Variants in STXBP5L observed in about 807,000 individuals in gnomAD.
STXBP5L encodes syntaxin-binding protein 5-like.
A neutral mutation model predicts 144.5 loss-of-function variants in STXBP5L; 65 were observed. The ratio of observed to expected loss-of-function variants is 0.45; its 90% confidence interval spans 0.37 to 0.55. The LOEUF (loss-of-function observed/expected upper bound fraction) is 0.55, where lower values mean the gene tolerates loss of function less well. Ranked by LOEUF, STXBP5L falls within the 20% of genes least tolerant of loss-of-function variation. STXBP5L has a pLI of 0.00. For synonymous variants in STXBP5L, 505 were observed against 469.6 expected (o/e 1.08, Z -0.97); for missense variants, 1,298 against 1,405.5 (o/e 0.92, Z 1.22).
chr3:121,047,360 A>G (rs1947589752), intron 5 of STXBP5L, among the ~76,000 whole-genome samples: 2 of 152,080 alleles, frequency 1.3e-5, no homozygotes, highest in Non-Finnish European at 2.9e-5. Flanking sequence ...GTAGATGTCT[A>G]ATAGTTCCAT....
intron 20 of STXBP5L, among the ~76,000 whole-genome samples, chr3:121,332,532 C>CA (rs1369535841): frequency 2.0e-5 from 3 of 150,682 alleles, no homozygotes; most frequent in African/African-American, 7.3e-5. Context: ...AGCTTCAAGA[C>CA]AAAATTTTGA....
chr3:121,328,760 T>C (rs952461936), intron 20 of STXBP5L, among the ~76,000 whole-genome samples: 2 of 150,638 alleles, frequency 1.3e-5, no homozygotes, highest in Non-Finnish European at 3.0e-5. Flanking sequence ...AAAAAAAAAA[T>C]AAAAAATAAA....
chr3:121,156,385 C>T (rs2046111207), intron 8 of STXBP5L, among the ~76,000 whole-genome samples: 1 of 151,912 alleles, frequency 6.6e-6, no homozygotes, highest in African/African-American at 2.4e-5. Flanking sequence ...TCTTCTCTCT[C>T]TTGCTGTTTT....
intron 2 of STXBP5L, among the ~76,000 whole-genome samples, chr3:120,912,452 A>G (rs1374579095): frequency 6.6e-6 from 1 of 151,946 alleles, no homozygotes; most frequent in Non-Finnish European, 1.5e-5. Context: ...TGATAAAAAA[A>G]CTTTTTATAT....
intron 9 of STXBP5L, among the ~76,000 whole-genome samples, chr3:121,202,253 T>G (rs568747319): frequency 1.3e-5 from 2 of 152,194 alleles, no homozygotes; most frequent in African/African-American, 4.8e-5. Flanking sequence ...TTATCATTTT[T>G]GGTTTTCTTC....
intron 20 of STXBP5L, among the ~76,000 whole-genome samples, chr3:121,346,686 A>C (rs2045002047): frequency 6.6e-6 from 1 of 152,132 alleles, no homozygotes; most frequent in Non-Finnish European, 1.5e-5. Flanking sequence ...TTTGATTTGC[A>C]TTGCTCTGAT....
intron 2 of STXBP5L, among the ~76,000 whole-genome samples, chr3:120,918,520 A>G: frequency 6.6e-6 from 1 of 152,212 alleles, no homozygotes; most frequent in Non-Finnish European, 1.5e-5. Flanking sequence ...ACATTTCATT[A>G]TTTTAATGCA....
rs75784259 is a variant in STXBP5L, at chr3:121,210,912, G to A, written c.956+4911G>A. 6.9e-4 allele frequency among the ~76,000 whole-genome samples: 105 copies of A among 152,184 alleles called. No individual in the cohort carries two copies. The East Asian group carries it at 0.017, about 24-fold the overall frequency. On this transcript the variant is annotated intron_variant, in intron 10 of 26. Coordinates refer to ENST00000471454, the MANE Select transcript of STXBP5L (RefSeq NM_001308330.2). The stretch of plus-strand genomic sequence containing the variant: ...TGGCTTAGGATTGTCTTGGCAATAC[G>A]GGACCTTTTTTGGTTCCATATGAAC...
intron 25 of STXBP5L, among the ~76,000 whole-genome samples, chr3:121,416,865 G>T (rs2047251848): frequency 1.3e-5 from 2 of 152,088 alleles, no homozygotes; most frequent in Admixed American, 6.6e-5. Flanking sequence ...GAGAAGGTAT[G>T]AATATATTTT....
At chr3:121,216,382 T>A (rs1318066262) in intron 10 of STXBP5L, among the ~76,000 whole-genome samples, 1 of 152,200 alleles carries the variant, frequency 6.6e-6, no homozygotes, top group Non-Finnish European at 1.5e-5. Context: ...ATGTCCTTTT[T>A]GTTGATGTTG....
intron 22 of STXBP5L, among the ~76,000 whole-genome samples, chr3:121,390,824 CT>C (rs1408802070): frequency 2.6e-5 from 4 of 151,884 alleles, no homozygotes. Context: ...ACATTTTTTC[CT>C]TCATTTCAAC....
chr3:121,142,106 A>T (rs193283918), intron 7 of STXBP5L, among the ~76,000 whole-genome samples: 2 of 152,228 alleles, frequency 1.3e-5, no homozygotes, highest in East Asian at 1.9e-4. Flanking sequence ...AACAAAAGTG[A>T]GGAGGGATGG....
intron 20 of STXBP5L, among the ~76,000 whole-genome samples, chr3:121,347,493 G>A (rs2045047794): frequency 6.6e-6 from 1 of 152,120 alleles, no homozygotes; most frequent in African/African-American, 2.4e-5. Flanking sequence ...ATTCTGTGAA[G>A]AAAGTCATTT....
intron 7 of STXBP5L, among the ~76,000 whole-genome samples, chr3:121,127,889 C>T (rs182210537): frequency 9.0e-4 from 136 of 151,814 alleles, no homozygotes; most frequent in Middle Eastern, 3.4e-3. Flanking sequence ...TCTGGGTGAC[C>T]GTGTAATGAC....
At chr3:120,982,900 G>C (rs1008340174) in intron 3 of STXBP5L, among the ~76,000 whole-genome samples, 5 of 152,172 alleles carry the variant, frequency 3.3e-5, no homozygotes, top group Non-Finnish European at 5.9e-5. Flanking sequence ...TTTGTCCTCA[G>C]GTCCCTAGGG....
At chr3:120,977,182 GTC>G (rs1038416439) in intron 3 of STXBP5L, among the ~76,000 whole-genome samples, 19 of 152,308 alleles carry the variant, frequency 1.2e-4, no homozygotes, top group African/African-American at 4.3e-4. Context: ...GGGAGTCTAA[GTC>G]TCTTTGTAGG....
intron 5 of STXBP5L, among the ~76,000 whole-genome samples, chr3:121,075,083 G>T (rs1371166903): frequency 2.0e-5 from 3 of 152,044 alleles, no homozygotes; most frequent in Non-Finnish European, 4.4e-5. Flanking sequence ...AACCCAGTCT[G>T]TCTCAGTCCT....
At chr3:121,264,959 T>A (rs999371039) in intron 18 of STXBP5L, among the ~76,000 whole-genome samples, 1 of 151,902 alleles carries the variant, frequency 6.6e-6, no homozygotes. Flanking sequence ...AATACAGAAG[T>A]ACCCAGATTC....
chr3:121,005,089 T>C (rs1432022272), intron 3 of STXBP5L, among the ~76,000 whole-genome samples: 1 of 152,238 alleles, frequency 6.6e-6, no homozygotes, highest in Non-Finnish European at 1.5e-5. Context: ...GAGGATTCCC[T>C]CTATTTCTAT....
Sources: allele counts gnomAD v4.1 joint callset (sites outside exome capture counted in the v4.1 genomes callset), GRCh38; gene constraint gnomAD v4.1.1; transcripts MANE v1.5; gene names NCBI Gene and HGNC (gene_info 2026-07-23, HGNC 2026-07-21).